Variants in KCNIP4 observed in about 807,000 individuals in gnomAD.
KCNIP4 encodes the protein potassium voltage-gated channel interacting protein 4, also known as Kv channel-interacting protein 4.
Under a neutral mutation model 34.0 loss-of-function variants are expected in KCNIP4, and 12 were observed. The ratio of observed to expected loss-of-function variants is 0.35; its 90% CI spans 0.23 to 0.57. KCNIP4 has a LOEUF of 0.57. Ranked by LOEUF, KCNIP4 falls within the 20% of genes least tolerant of loss-of-function variation. The pLI, the probability that KCNIP4 is intolerant of heterozygous loss-of-function variation, is 0.83. For missense variants in KCNIP4, 238 were observed against 311.7 expected, an observed-to-expected ratio of 0.76 and a Z score of 1.78; for synonymous variants, 124 against 102.2, an observed-to-expected ratio of 1.21 and a Z score of -1.29.
intron 1 of KCNIP4, among the ~76,000 whole-genome samples, chr4:20,995,834 G>A (rs1737505231): frequency 6.6e-6 from 1 of 152,200 alleles, no homozygotes; most frequent in South Asian, 2.1e-4. Flanking sequence ...AAGGGACTGT[G>A]GGGCATGAAG....
intron 3 of KCNIP4, among the ~76,000 whole-genome samples, chr4:20,759,343 C>T (rs944465844): frequency 6.6e-6 from 1 of 152,138 alleles, no homozygotes; most frequent in Non-Finnish European, 1.5e-5. Context: ...GCTCAAGAAG[C>T]TTCAACCAGT....
At chr4:21,861,237 T>C (rs2109351033) in intron 1 of KCNIP4, among the ~76,000 whole-genome samples, 2 of 152,268 alleles carry the variant, frequency 1.3e-5, no homozygotes, top group East Asian at 1.9e-4. Context: ...ACAATGGGAG[T>C]TAACAGAACT....
chr4:20,733,423 T>G (rs975282010), intron 6 of KCNIP4, among the ~76,000 whole-genome samples: 1 of 152,212 alleles, frequency 6.6e-6, no homozygotes, highest in African/African-American at 2.4e-5. Context: ...TCTAATAACT[T>G]AAACATTTAG....
At chr4:20,844,939 G>A (rs1720185583) in intron 3 of KCNIP4, among the ~76,000 whole-genome samples, 1 of 152,144 alleles carries the variant, frequency 6.6e-6, no homozygotes, top group African/African-American at 2.4e-5. Context: ...ATTGCCCAAG[G>A]AGGGTGTCTG....
chr4:21,307,388 T>C (rs531701777), intron 1 of KCNIP4, among the ~76,000 whole-genome samples: 1 of 152,286 alleles, frequency 6.6e-6, no homozygotes, highest in East Asian at 1.9e-4. Flanking sequence ...CCTTTCTAAC[T>C]GTACTATATA....
intron 3 of KCNIP4, among the ~76,000 whole-genome samples, chr4:20,802,211 A>ATATATATG (rs1491278741): frequency 1.7e-5 from 1 of 58,458 alleles, no homozygotes; most frequent in African/African-American, 4.7e-5. Flanking sequence ...TATATATGCT[A>ATATATATG]CATATATGCT....
intron 1 of KCNIP4, among the ~76,000 whole-genome samples, chr4:21,590,597 G>A (rs918025103): frequency 6.6e-6 from 1 of 151,868 alleles, no homozygotes; most frequent in East Asian, 1.9e-4. Context: ...AAAGGTTTAG[G>A]GATGTTTATT....
At chr4:21,500,276 C>A (rs1026420651) in intron 1 of KCNIP4, among the ~76,000 whole-genome samples, 2 of 152,098 alleles carry the variant, frequency 1.3e-5, no homozygotes, top group African/African-American at 4.8e-5. Context: ...GAGACAATTT[C>A]ACTTAACTTT....
At chr4:21,427,471 C>T (rs1726033180) in intron 1 of KCNIP4, among the ~76,000 whole-genome samples, 1 of 152,128 alleles carries the variant, frequency 6.6e-6, no homozygotes, top group Non-Finnish European at 1.5e-5. Flanking sequence ...ACAGTCTTCC[C>T]TACACTGCAC....
At chr4:21,512,576 A>T (rs1734428121) in intron 1 of KCNIP4, among the ~76,000 whole-genome samples, 1 of 152,172 alleles carries the variant, frequency 6.6e-6, no homozygotes. Flanking sequence ...GGAAAAAGTC[A>T]TTCAGAGTCT....
Position 21,794,615 on chromosome 4 carries a change from C to T in KCNIP4, c.61+153956G>A, listed in dbSNP as rs1043897481. Among the ~76,000 whole-genome samples, 13 of 152,036 alleles carry T rather than the reference C, an allele frequency of 8.6e-5. No homozygotes were observed. The East Asian group carries it at 1.6e-3, about 18-fold the overall frequency. On this transcript the variant is annotated intron_variant, in intron 1 of 8. Transcript: ENST00000382152. ...TTAAAAACTCACTGAGACAGCCGGG[C>T]GCAGTGACTCATGCCTGTAATCCCA...
chr4:21,773,751 T>G (rs376118210), intron 1 of KCNIP4, among the ~76,000 whole-genome samples: 20 of 110,484 alleles, frequency 1.8e-4, no homozygotes, highest in African/African-American at 4.1e-4. Flanking sequence ...TGTTGTTTTT[T>G]TTTTTTTGTT....
intron 1 of KCNIP4, among the ~76,000 whole-genome samples, chr4:21,053,038 C>T (rs1030516378): frequency 2.0e-4 from 29 of 143,464 alleles, no homozygotes; most frequent in African/African-American, 4.3e-4. Context: ...CACACACACA[C>T]ATATATATAT....
rs773526838 is a variant in KCNIP4 at position 21,601,306 on chromosome 4, C to T, written c.61+347265G>A. ...TCAACATCCATGCAATTAAAAAGTG[C>T]ATTTATAACCCAGAGACTGTCAATT... On this transcript the variant is annotated intron_variant, in intron 1 of 8. Transcript: ENST00000382152. Among the ~76,000 whole-genome samples, 3 of 152,006 alleles carry T rather than the reference C, an allele frequency of 2.0e-5. No individual in the cohort carries two copies. In the East Asian group the frequency reaches 5.8e-4, roughly 29 times the overall value.
intron 1 of KCNIP4, among the ~76,000 whole-genome samples, chr4:21,475,877 C>A (rs7655249): frequency 0.19 from 29,270 of 152,050 alleles, 3,363 homozygotes; most frequent in African/African-American, 0.32. Context: ...TTTTTAATTT[C>A]CGCAAACCTC....
intron 1 of KCNIP4, among the ~76,000 whole-genome samples, chr4:21,488,421 T>C (rs916929796): frequency 6.6e-6 from 1 of 152,134 alleles, no homozygotes; most frequent in African/African-American, 2.4e-5. Context: ...ATTTCCAAAC[T>C]TTTTATTTCT....
intron 1 of KCNIP4, among the ~76,000 whole-genome samples, chr4:21,631,279 GA>G (rs1324575462): frequency 6.6e-6 from 1 of 151,830 alleles, no homozygotes; most frequent in Admixed American, 6.6e-5. Flanking sequence ...GTACTTAAGA[GA>G]AAAAAAGATA....
At chr4:21,084,579 T>C (rs1298275135) in intron 1 of KCNIP4, among the ~76,000 whole-genome samples, 1 of 148,396 alleles carries the variant, frequency 6.7e-6, no homozygotes, top group Non-Finnish European at 1.5e-5. Context: ...TCTGCCATAC[T>C]GGGGATATAC....
chr4:21,805,812 C>T (rs1033761372), intron 1 of KCNIP4, among the ~76,000 whole-genome samples: 2 of 152,150 alleles, frequency 1.3e-5, no homozygotes, highest in Non-Finnish European at 2.9e-5. Flanking sequence ...CACTTGAACA[C>T]TTGAACCATC....
Sources: allele counts gnomAD v4.1 joint callset (sites outside exome capture counted in the v4.1 genomes callset), GRCh38; gene constraint gnomAD v4.1.1; transcripts MANE v1.5; gene names NCBI Gene and HGNC (gene_info 2026-07-23, HGNC 2026-07-21).